The following RTN4RL1 variants were observed in gnomAD, a reference collection of about 807,000 sequenced individuals.
The protein encoded by RTN4RL1 is reticulon 4 receptor like 1.
Under a neutral mutation model 25.6 loss-of-function variants are expected in RTN4RL1, and 7 were observed. The ratio of observed to expected loss-of-function variants is 0.27; its 90% CI spans 0.16 to 0.51. The LOEUF is 0.51. Ranked by LOEUF, RTN4RL1 falls within the 20% of genes least tolerant of loss-of-function variation. RTN4RL1 has a pLI of 0.97. For synonymous variants in RTN4RL1, 297 were observed against 288.2 expected, an observed-to-expected ratio of 1.03 and a Z score of -0.31; for missense variants, 500 against 615.6, an observed-to-expected ratio of 0.81 and a Z score of 1.99.
intron 1 of RTN4RL1, 96 bp downstream of exon 1, chr17:2,024,757 T>C: frequency 7.6e-7 from 1 of 1,320,618 alleles, no homozygotes; most frequent in Non-Finnish European, 1.0e-6. Flanking sequence ...GGGGGCTACT[T>C]CCCAGACCGG....
chr17:1,943,245 A>T (rs1915475213), intron 1 of RTN4RL1, among the ~76,000 whole-genome samples: 2 of 152,244 alleles, frequency 1.3e-5, no homozygotes, highest in Non-Finnish European at 2.9e-5. Flanking sequence ...GCGACAGGGC[A>T]GCGAGCAGGC....
At chr17:1,985,933 C>T (rs2066885540) in intron 1 of RTN4RL1, among the ~76,000 whole-genome samples, 1 of 152,086 alleles carries the variant, frequency 6.6e-6, no homozygotes, top group Non-Finnish European at 1.5e-5. Context: ...CTCAAGCTGC[C>T]CCGCCTCTCA....
chr17:1,981,432 ATTT>A (rs949380965), intron 1 of RTN4RL1, among the ~76,000 whole-genome samples: 1 of 152,064 alleles, frequency 6.6e-6, no homozygotes, highest in East Asian at 1.9e-4. Flanking sequence ...CCATCTTGGT[ATTT>A]TTTTCTTTGC....
At chr17:2,004,327 C>T (rs1332584684) in intron 1 of RTN4RL1, among the ~76,000 whole-genome samples, 1 of 141,332 alleles carries the variant, frequency 7.1e-6, no homozygotes, top group Non-Finnish European at 1.5e-5. Flanking sequence ...GAGATCGCGC[C>T]ACTGCACTCC....
At chr17:1,952,151 C>A (rs1198587679) in intron 1 of RTN4RL1, among the ~76,000 whole-genome samples, 1 of 152,152 alleles carries the variant, frequency 6.6e-6, no homozygotes, top group Non-Finnish European at 1.5e-5. Context: ...CTCCTGCTCA[C>A]ATTTCATTGG....
At chr17:1,974,784 C>T (rs1864964254) in intron 1 of RTN4RL1, among the ~76,000 whole-genome samples, 1 of 152,208 alleles carries the variant, frequency 6.6e-6, no homozygotes, top group African/African-American at 2.4e-5. Context: ...TCTCACTCTG[C>T]TCACCTGCCA....
intron 1 of RTN4RL1, among the ~76,000 whole-genome samples, chr17:1,977,108 C>T (rs1212997917): frequency 6.6e-6 from 1 of 152,200 alleles, no homozygotes; most frequent in Non-Finnish European, 1.5e-5. Context: ...CTCTGCCTCT[C>T]CACTTAAAGA....
intron 1 of RTN4RL1, among the ~76,000 whole-genome samples, chr17:1,996,114 G>C (rs1597232825): frequency 6.6e-6 from 1 of 152,322 alleles, no homozygotes; most frequent in East Asian, 1.9e-4. Context: ...GGGAGGAGCA[G>C]GAAGGCAATT....
chr17:1,951,384 C>G (rs1356452573), intron 1 of RTN4RL1, among the ~76,000 whole-genome samples: 1 of 152,134 alleles, frequency 6.6e-6, no homozygotes, highest in East Asian at 1.9e-4. Context: ...AAGGAACCGC[C>G]AGTAAGGTGA....
chr17:2,016,065 T>G (rs1048403918), intron 1 of RTN4RL1, among the ~76,000 whole-genome samples: 1 of 152,130 alleles, frequency 6.6e-6, no homozygotes, highest in Non-Finnish European at 1.5e-5. Flanking sequence ...TAGGTACCAT[T>G]TGAAGAAACT....
intron 1 of RTN4RL1, among the ~76,000 whole-genome samples, chr17:1,967,247 CGACAAAACA>C (rs555403347): frequency 3.8e-4 from 55 of 143,780 alleles, no homozygotes; most frequent in African/African-American, 1.2e-3. Flanking sequence ...GCAGCAAATT[CGACAAAACA>C]AACAAAACAA....
chr17:2,011,192 T>C lies in RTN4RL1; in HGVS notation c.13+13661A>G, dbSNP rs190547408. Among the ~76,000 whole-genome samples the C allele has an allele frequency of 4.6e-5, 7 of 152,156 alleles. No individual in the cohort carries two copies. In the East Asian group the frequency reaches 1.4e-3, roughly 30 times the overall value. ...CTTGAACCTGGGAGGCGGAGGTTGC[T>C]GTGAGCCAAGATCGCGCCATTGCAC... On this transcript the variant is annotated intron_variant, in intron 1 of 1. Coordinates refer to ENST00000331238, the MANE Select transcript of RTN4RL1 (RefSeq NM_178568.4).
At position 1,936,394 on chromosome 17, in the gene RTN4RL1, T is replaced by C. The variant is rs913439355; in HGVS notation, c.*102A>G. The C allele has an allele frequency of 1.4e-4, 208 of 1,452,022 alleles. No individual in the cohort carries two copies. Among genetic ancestry groups the C allele is most frequent in the Non-Finnish European group, 1.7e-4 (193 of 1,108,964 alleles). The allele number at this position is 1,452,022 out of a possible 1,614,324, so 89.9% of individuals were successfully genotyped here. On this transcript the variant is annotated 3_prime_UTR_variant, in exon 2 of 2. Transcript: ENST00000331238. The stretch of plus-strand genomic sequence containing the variant: ...AGCAGCCGAAGGCTCTACCAGCCTT[T>C]TCCTGAAACCCAGCAGATCTTCCAC...
intron 1 of RTN4RL1, among the ~76,000 whole-genome samples, chr17:1,953,667 C>T (rs1371077107): frequency 5.9e-5 from 9 of 152,130 alleles, no homozygotes; most frequent in Non-Finnish European, 5.9e-5. Context: ...TGGGTTCAAG[C>T]GATTCTCCTG....
chr17:1,956,502 G>A (rs1315944687), intron 1 of RTN4RL1, among the ~76,000 whole-genome samples: 1 of 152,166 alleles, frequency 6.6e-6, no homozygotes, highest in Non-Finnish European at 1.5e-5. Flanking sequence ...CAGAGGCAAT[G>A]CACAGTTACT....
At chr17:1,953,907 G>A (rs1230963665) in intron 1 of RTN4RL1, among the ~76,000 whole-genome samples, 1 of 152,188 alleles carries the variant, frequency 6.6e-6, no homozygotes, top group East Asian at 1.9e-4. Flanking sequence ...AGGAAGAGAT[G>A]TTCTACCTCC....
In RTN4RL1 at chr17:2,024,919, G is replaced by T; in HGVS notation, c.-54C>A. Reference sequence around the variant, plus strand: ...CGGCCTAGGCGCACTCCCTCCCGGGGTCCAGATTCAAATCCCTGGGCGCCA... The same window carrying T: ...CGGCCTAGGCGCACTCCCTCCCGGGTTCCAGATTCAAATCCCTGGGCGCCA... On this transcript the variant is annotated 5_prime_UTR_variant, in exon 1 of 2. Coordinates refer to ENST00000331238, the MANE Select transcript of RTN4RL1 (RefSeq NM_178568.4). The T allele has an allele frequency of 6.5e-7, 1 of 1,545,670 alleles. No homozygotes were observed. The highest frequency in any genetic ancestry group is 8.7e-7 in the Non-Finnish European group (1 of 1,144,242).
chr17:1,962,642 A>T (rs1318379935), intron 1 of RTN4RL1, among the ~76,000 whole-genome samples: 1 of 151,930 alleles, frequency 6.6e-6, no homozygotes, highest in African/African-American at 2.4e-5. Context: ...AGGCAGGTGG[A>T]TCATTTGAGG....
intron 1 of RTN4RL1, among the ~76,000 whole-genome samples, chr17:2,015,660 G>C (rs985866094): frequency 1.3e-5 from 2 of 152,262 alleles, no homozygotes; most frequent in African/African-American, 4.8e-5. Flanking sequence ...TGTCAAGCCA[G>C]AGCAGTGACT....
Sources: allele counts gnomAD v4.1 joint callset (sites outside exome capture counted in the v4.1 genomes callset), GRCh38; gene constraint gnomAD v4.1.1; transcripts MANE v1.5; gene names NCBI Gene and HGNC (gene_info 2026-07-23, HGNC 2026-07-21).